Variants in CSMD1 observed in about 807,000 individuals in gnomAD.
CSMD1 encodes the protein CUB and Sushi multiple domains 1.
Under a neutral mutation model 417.5 loss-of-function variants are expected in CSMD1, and 213 were observed. That is an observed-to-expected ratio of 0.51 (90% CI 0.46 to 0.57). The LOEUF (loss-of-function observed/expected upper bound fraction) is 0.57. Among genes scored for constraint, CSMD1 ranks in the 20% least tolerant of loss-of-function variants. The probability of loss-of-function intolerance (pLI) is 0.00; values close to 1 mark genes in which losing one functional copy is unlikely to be tolerated. For missense variants in CSMD1, 6,923 were observed against 4,529.7 expected, an observed-to-expected ratio of 1.53 and a Z score of -15.17; for synonymous variants, 2,862 against 1,736.8, an observed-to-expected ratio of 1.65 and a Z score of -16.11.
At chr8:3,652,282 A>G (rs1050023479) in intron 7 of CSMD1, among the ~76,000 whole-genome samples, 1 of 151,890 alleles carries the variant, frequency 6.6e-6, no homozygotes, top group Non-Finnish European at 1.5e-5. Flanking sequence ...GCTTACCACC[A>G]TCAGCTTACC....
chr8:4,904,045 A>G (rs1005581448), intron 1 of CSMD1, among the ~76,000 whole-genome samples: 1 of 152,132 alleles, frequency 6.6e-6, no homozygotes, highest in Admixed American at 6.5e-5. Flanking sequence ...GAGGACTGGC[A>G]TTAGTGTAAG....
At chr8:3,309,880 G>A (rs549808624) in intron 23 of CSMD1, among the ~76,000 whole-genome samples, 3 of 152,264 alleles carry the variant, frequency 2.0e-5, no homozygotes, top group African/African-American at 7.2e-5. Context: ...AGGAGAAAGA[G>A]GACATGCTTG....
chr8:4,629,140 T>G (rs1166123817), intron 2 of CSMD1, among the ~76,000 whole-genome samples: 1 of 152,202 alleles, frequency 6.6e-6, no homozygotes, highest in Admixed American at 6.5e-5. Context: ...AAGCATTCCT[T>G]TACATTTATT....
intron 1 of CSMD1, among the ~76,000 whole-genome samples, chr8:4,984,062 T>G (rs879497709): frequency 1.3e-5 from 2 of 152,150 alleles, no homozygotes; most frequent in Non-Finnish European, 2.9e-5. Flanking sequence ...AGAGATGCTG[T>G]ACCCTACAGA....
chr8:4,910,378 C>A (rs1207205654), intron 1 of CSMD1, among the ~76,000 whole-genome samples: 1 of 152,140 alleles, frequency 6.6e-6, no homozygotes, highest in Admixed American at 6.5e-5. Context: ...ATACTATAAA[C>A]TGGATTGCTT....
At chr8:3,667,997 T>G (rs116551230) in intron 7 of CSMD1, among the ~76,000 whole-genome samples, 1,562 of 152,144 alleles carry the variant, frequency 0.01, 24 homozygotes, top group African/African-American at 0.033. Flanking sequence ...TCAATATGAG[T>G]GTCTGTGCGC....
At chr8:4,951,159 T>C (rs1429895935) in intron 1 of CSMD1, among the ~76,000 whole-genome samples, 4 of 152,150 alleles carry the variant, frequency 2.6e-5, no homozygotes, top group Admixed American at 1.3e-4. Flanking sequence ...TGTTTCTGCA[T>C]CACTCCTTGC....
chr8:4,013,419 G>T (rs1027248025), intron 4 of CSMD1, among the ~76,000 whole-genome samples: 1 of 152,108 alleles, frequency 6.6e-6, no homozygotes, highest in South Asian at 2.1e-4. Context: ...GTTCATTAGA[G>T]GTCCAAATAT....
At chr8:3,682,984 G>A (rs1314737594) in intron 7 of CSMD1, among the ~76,000 whole-genome samples, 1 of 152,058 alleles carries the variant, frequency 6.6e-6, no homozygotes, top group African/African-American at 2.4e-5. Flanking sequence ...CTCATACGTG[G>A]GAACTGAACA....
chr8:4,966,221 A>G (rs1307899141), intron 1 of CSMD1, among the ~76,000 whole-genome samples: 1 of 150,976 alleles, frequency 6.6e-6, no homozygotes, highest in African/African-American at 2.4e-5. Context: ...AAAAAAAAAA[A>G]AAAAAAAATT....
chr8:4,188,720 A>G (rs576113482), intron 3 of CSMD1, among the ~76,000 whole-genome samples: 1 of 152,184 alleles, frequency 6.6e-6, no homozygotes, highest in Non-Finnish European at 1.5e-5. Context: ...AAAACATAAT[A>G]AACAATTTTT....
chr8:4,046,797 T>C (rs945725415), intron 3 of CSMD1, among the ~76,000 whole-genome samples: 1 of 152,172 alleles, frequency 6.6e-6, no homozygotes, highest in Non-Finnish European at 1.5e-5. Flanking sequence ...GGGGAGCAAG[T>C]GAACTAACAA....
At chr8:4,186,214 C>A (rs759608556) in intron 3 of CSMD1, among the ~76,000 whole-genome samples, 1 of 152,140 alleles carries the variant, frequency 6.6e-6, no homozygotes, top group Non-Finnish European at 1.5e-5. Flanking sequence ...ACACTGGAAG[C>A]TCAGGACGGC....
At chr8:3,689,458 G>A (rs901249891) in intron 7 of CSMD1, among the ~76,000 whole-genome samples, 1 of 152,196 alleles carries the variant, frequency 6.6e-6, no homozygotes, top group East Asian at 1.9e-4. Context: ...ATGGATAGAC[G>A]TAGAAAGATT....
chr8:3,285,124 A>T (rs1173147022), intron 25 of CSMD1, among the ~76,000 whole-genome samples: 1 of 152,118 alleles, frequency 6.6e-6, no homozygotes, highest in African/African-American at 2.4e-5. Context: ...TCTGATTTAC[A>T]GTTTTTTATT....
chr8:3,883,311 A>T (rs1223548317), intron 5 of CSMD1, among the ~76,000 whole-genome samples: 1 of 152,166 alleles, frequency 6.6e-6, no homozygotes, highest in Non-Finnish European at 1.5e-5. Context: ...TGAACGACAT[A>T]ATATAATACA....
At chr8:3,491,233 G>A (rs992331111) in intron 11 of CSMD1, among the ~76,000 whole-genome samples, 3 of 152,150 alleles carry the variant, frequency 2.0e-5, no homozygotes, top group African/African-American at 7.2e-5. Flanking sequence ...AGATCCTGGA[G>A]CAGTATCACA....
intron 12 of CSMD1, among the ~76,000 whole-genome samples, chr8:3,455,565 G>A (rs1816063266): frequency 6.6e-6 from 1 of 152,220 alleles, no homozygotes; most frequent in Non-Finnish European, 1.5e-5. Flanking sequence ...GTTGGAATTT[G>A]CTGGAGGTCC....
intron 5 of CSMD1, among the ~76,000 whole-genome samples, chr8:3,798,056 T>C (rs1023225926): frequency 6.6e-6 from 1 of 152,018 alleles, no homozygotes; most frequent in South Asian, 2.1e-4. Flanking sequence ...TATTTCTTCT[T>C]AATAATCCAT....
Sources: allele counts gnomAD v4.1 joint callset (sites outside exome capture counted in the v4.1 genomes callset), GRCh38; gene constraint gnomAD v4.1.1; transcripts MANE v1.5; gene names NCBI Gene and HGNC (gene_info 2026-07-23, HGNC 2026-07-21).